TCF7L2: variants seen among roughly 807,000 people sequenced by gnomAD.
The protein encoded by TCF7L2 is transcription factor 7-like 2.
TCF7L2 carries 23 observed loss-of-function variants against 77.9 expected under a neutral mutation model. The ratio of observed to expected loss-of-function variants is 0.30; its 90% CI spans 0.21 to 0.42. TCF7L2 has a LOEUF of 0.42. Among genes scored for constraint, TCF7L2 ranks in the 10% least tolerant of loss-of-function variants. The probability of loss-of-function intolerance (pLI) is 1.00; values close to 1 mark genes in which losing one functional copy is unlikely to be tolerated. For synonymous variants in TCF7L2, 413 were observed against 340.2 expected (o/e 1.21, Z -2.36); for missense variants, 654 against 793.1 (o/e 0.82, Z 2.11).
chr10:112,991,092 C>A (rs2042449277), intron 4 of TCF7L2, among the ~76,000 whole-genome samples: 1 of 152,168 alleles, frequency 6.6e-6, no homozygotes, highest in African/African-American at 2.4e-5. Context: ...GTGGGCCAGA[C>A]TCGGACTGCC....
At chr10:113,092,143 C>T (rs2060471113) in intron 5 of TCF7L2, among the ~76,000 whole-genome samples, 1 of 152,184 alleles carries the variant, frequency 6.6e-6, no homozygotes, top group Admixed American at 6.5e-5. Flanking sequence ...CCTTATAACT[C>T]AAGGTCTACA....
chr10:113,030,821 G>A (rs2050083628), intron 4 of TCF7L2, among the ~76,000 whole-genome samples: 1 of 152,208 alleles, frequency 6.6e-6, no homozygotes, highest in Non-Finnish European at 1.5e-5. Flanking sequence ...TGGTGGAGCT[G>A]ACATTTGTTT....
intron 5 of TCF7L2, among the ~76,000 whole-genome samples, chr10:113,073,548 TG>T (rs1481112345): frequency 7.5e-6 from 1 of 133,314 alleles, no homozygotes; most frequent in African/African-American, 2.8e-5. Flanking sequence ...AAAAATTAGC[TG>T]GGGGTGGTGG....
intron 4 of TCF7L2, among the ~76,000 whole-genome samples, 192 bp downstream of exon 4, chr10:112,964,816 G>GGGGT (rs2036318480): frequency 6.8e-6 from 1 of 148,066 alleles, no homozygotes; most frequent in Non-Finnish European, 1.5e-5. Context: ...TGGTGGTGGG[G>GGGGT]GGGGGTTGAA....
chr10:113,113,274 A>C (rs2063346839), intron 5 of TCF7L2, among the ~76,000 whole-genome samples: 1 of 152,170 alleles, frequency 6.6e-6, no homozygotes, highest in Admixed American at 6.5e-5. Flanking sequence ...AAGAGCACAA[A>C]CACCCGTAAG....
chr10:112,986,457 C>T (rs1481109544), intron 4 of TCF7L2, among the ~76,000 whole-genome samples: 1 of 152,082 alleles, frequency 6.6e-6, no homozygotes. Context: ...TCTTATAAAG[C>T]CTAAATTAAC....
At chr10:113,139,207 C>G (rs1407446105) in intron 5 of TCF7L2, among the ~76,000 whole-genome samples, 2 of 152,208 alleles carry the variant, frequency 1.3e-5, no homozygotes, top group Non-Finnish European at 2.9e-5. Context: ...TGGAAGGCAG[C>G]AACAGTCATT....
At chr10:113,139,397 C>T (rs2067938952) in intron 5 of TCF7L2, among the ~76,000 whole-genome samples, 2 of 152,198 alleles carry the variant, frequency 1.3e-5, no homozygotes, top group Non-Finnish European at 1.5e-5. Context: ...CCTTGAGGTG[C>T]CCAGCACTGG....
intron 3 of TCF7L2, among the ~76,000 whole-genome samples, chr10:112,956,518 C>A (rs926805377): frequency 1.3e-5 from 2 of 151,736 alleles, no homozygotes; most frequent in African/African-American, 4.8e-5. Context: ...GAGGCTGAAC[C>A]AAATTCTTGA....
chr10:113,113,620 G>A (rs1032793418), intron 5 of TCF7L2, among the ~76,000 whole-genome samples: 12 of 152,228 alleles, frequency 7.9e-5, no homozygotes, highest in South Asian at 4.2e-4. Flanking sequence ...AGTCTTGATG[G>A]CTTCCAGTTC....
At chr10:113,118,329 G>C (rs887188253) in intron 5 of TCF7L2, among the ~76,000 whole-genome samples, 12 of 152,152 alleles carry the variant, frequency 7.9e-5, no homozygotes, top group African/African-American at 2.9e-4. Flanking sequence ...AGTGGGAAGA[G>C]GGGAAATTTT....
At chr10:113,121,782 A>ACG (rs1564923155) in intron 5 of TCF7L2, among the ~76,000 whole-genome samples, 10 of 151,814 alleles carry the variant, frequency 6.6e-5, no homozygotes, top group African/African-American at 2.4e-4. Context: ...CACAACACAC[A>ACG]CACACACACA....
chr10:113,029,824 A>G (rs1385202474), intron 4 of TCF7L2, among the ~76,000 whole-genome samples: 1 of 151,920 alleles, frequency 6.6e-6, no homozygotes, highest in African/African-American at 2.4e-5. Context: ...CCACCGCGCC[A>G]AGCCTCCCCA....
intron 4 of TCF7L2, among the ~76,000 whole-genome samples, chr10:113,020,494 A>G (rs1327933496): frequency 6.6e-6 from 1 of 152,004 alleles, no homozygotes; most frequent in East Asian, 1.9e-4. Flanking sequence ...CCTTTCATCC[A>G]GGGCTGGAGG....
intron 5 of TCF7L2, chr10:113,126,950 C>G: frequency 1.0e-6 from 1 of 982,932 alleles, no homozygotes; most frequent in Non-Finnish European, 1.2e-6. Flanking sequence ...TCCCGCGCGC[C>G]TGCCCTGCTG....
intron 4 of TCF7L2, among the ~76,000 whole-genome samples, chr10:112,980,657 T>C (rs2040304761): frequency 6.6e-6 from 1 of 151,256 alleles, no homozygotes; most frequent in African/African-American, 2.4e-5. Flanking sequence ...GGAGTCTCAC[T>C]CTGTCGCCCA....
At chr10:113,126,890 G>T in intron 5 of TCF7L2, 1 of 985,360 alleles carries the variant, frequency 1.0e-6, no homozygotes, top group Non-Finnish European at 1.2e-6. Flanking sequence ...TGGTAAGCGC[G>T]GCCGGCGGCG....
chr10:112,992,003 A>G (rs573710724), intron 4 of TCF7L2, among the ~76,000 whole-genome samples: 6 of 152,236 alleles, frequency 3.9e-5, no homozygotes, highest in African/African-American at 1.4e-4. Flanking sequence ...TGGCTTTTCT[A>G]TTTATTTAGA....
chr10:113,050,054 T>A (rs1208206684), intron 5 of TCF7L2, among the ~76,000 whole-genome samples: 1 of 152,164 alleles, frequency 6.6e-6, no homozygotes, highest in Non-Finnish European at 1.5e-5. Flanking sequence ...CTGACTGCAA[T>A]GTGAGGCTGC....
Sources: allele counts gnomAD v4.1 joint callset (sites outside exome capture counted in the v4.1 genomes callset), GRCh38; gene constraint gnomAD v4.1.1; transcripts MANE v1.5; gene names NCBI Gene and HGNC (gene_info 2026-07-23, HGNC 2026-07-21).